Variants in ATAD1 observed in about 807,000 individuals in gnomAD.
The protein encoded by ATAD1 is ATPase family AAA domain containing 1.
In ATAD1, 18 loss-of-function variants were observed where a neutral mutation model predicts 42.7. That is an observed-to-expected ratio of 0.42 (90% CI 0.29 to 0.63). ATAD1 has a LOEUF of 0.63. ATAD1 is among the 20% of genes least tolerant of loss of function. ATAD1 has a pLI of 0.19. For missense variants in ATAD1, 294 were observed against 440.4 expected (o/e 0.67, Z 2.98); for synonymous variants, 132 against 143.1 (o/e 0.92, Z 0.55).
chr10:87,819,992 A>G (rs1054742965), upstream of ATAD1, among the ~76,000 whole-genome samples: 1 of 152,226 alleles, frequency 6.6e-6, no homozygotes, highest in Non-Finnish European at 1.5e-5. Flanking sequence ...ATTTAAAAAA[A>G]AAATGGATGT....
chr10:87,841,017 G>A (rs190077080), intron 1 of ATAD1, among the ~76,000 whole-genome samples: 31 of 152,174 alleles, frequency 2.0e-4, no homozygotes, highest in African/African-American at 6.7e-4. Context: ...CTGCTAGCAT[G>A]AGAAGTACAA....
chr10:87,803,952 A>G (rs1277057549), intron 2 of ATAD1, among the ~76,000 whole-genome samples: 1 of 152,036 alleles, frequency 6.6e-6, no homozygotes, highest in Non-Finnish European at 1.5e-5. Context: ...ACTGACTCCT[A>G]TCTCAATTTT....
chr10:87,818,085 C>G (rs1857512776), intron 1 of ATAD1, 82 bp downstream of exon 1: 1 of 985,620 alleles, frequency 1.0e-6, no homozygotes. Flanking sequence ...TCCGGGGGTT[C>G]CCAGGTCCGA....
At position 87,814,554 on chromosome 10, in the gene ATAD1, C is replaced by A; in HGVS notation, c.46G>T (p.Val16Phe). Residue 16 changes from valine (V) to phenylalanine (F), a missense_variant, in exon 2 of 10, where the codon GTT becomes TTT. By Grantham distance (50) the Val-to-Phe change is conservative. Around this residue, in one of 3 missense-constraint regions of ATAD1, gnomAD observed 121 missense variants for 187.3 expected, o/e 0.65. Transcript: ENST00000680024. ...GTCAAACGGAAAATTAAACCAACAA[C>A]TTCATTCCGACTCAAAGGACGAGAA... Reference protein sequence around the residue: ...AFSRPLSRNEVVGLIFRLTIF... With the variant: ...AFSRPLSRNEFVGLIFRLTIF... 6.2e-7 allele frequency: 1 copy of A among 1,611,924 alleles called. No individual in the cohort carries two copies. Among genetic ancestry groups the A allele is most frequent in the Non-Finnish European group, 8.5e-7 (1 of 1,179,046 alleles).
chr10:87,818,137 C>T (rs1857516742), intron 1 of ATAD1, 30 bp downstream of exon 1: 2 of 985,630 alleles, frequency 2.0e-6, no homozygotes, highest in Non-Finnish European at 1.2e-6. Flanking sequence ...ACAACCATCC[C>T]ATGAGGCCCC....
At chr10:87,757,888 T>C (rs533351215) in intron 8 of ATAD1, among the ~76,000 whole-genome samples, 1 of 152,330 alleles carries the variant, frequency 6.6e-6, no homozygotes, top group African/African-American at 2.4e-5. Context: ...CACTGCCAGC[T>C]CTGCAACTGT....
In ATAD1 at chr10:87,751,800, G is replaced by A. The variant is rs1359031774; in HGVS notation, c.*2887C>T. 6.6e-6 allele frequency: 1 copy of A among 152,122 alleles called. No homozygotes were observed. Among genetic ancestry groups the A allele is most frequent in the Non-Finnish European group, 1.5e-5 (1 of 68,020 alleles). The allele number at this position is 152,122 out of a possible 1,614,324, so 9.4% of individuals were successfully genotyped here. The stretch of plus-strand genomic sequence containing the variant: ...TGCACTATATATATTCAGCATATCA[G>A]AATTCTGTTCAATATTCTGATTTTA... On this transcript the variant is annotated 3_prime_UTR_variant, in exon 10 of 10. Coordinates refer to ENST00000680024, the MANE Select transcript of ATAD1 (RefSeq NM_001321967.2).
intron 2 of ATAD1, among the ~76,000 whole-genome samples, chr10:87,794,282 A>G (rs959930949): frequency 1.3e-5 from 2 of 152,216 alleles, no homozygotes; most frequent in Non-Finnish European, 2.9e-5. Flanking sequence ...TCTCCTGTTT[A>G]TCTTGCCCCT....
At chr10:87,770,899 C>A in intron 7 of ATAD1, 53 bp downstream of exon 7, 1 of 1,486,696 alleles carries the variant, frequency 6.7e-7, no homozygotes, top group Non-Finnish European at 9.3e-7. Flanking sequence ...AAGGTGAAGA[C>A]CTATAAAAAG....
At chr10:87,817,268 CAAT>C (rs1857460113) in intron 1 of ATAD1, among the ~76,000 whole-genome samples, 2 of 152,166 alleles carry the variant, frequency 1.3e-5, no homozygotes, top group South Asian at 4.1e-4. Flanking sequence ...AGCGAACATA[CAAT>C]AAAAGCTGCA....
intron 2 of ATAD1, 121 bp downstream of exon 2, chr10:87,814,317 A>G: frequency 1.2e-6 from 1 of 852,508 alleles, no homozygotes; most frequent in Non-Finnish European, 1.7e-6. Context: ...GAGTACCAAT[A>G]CATTTTCATG....
chr10:87,839,984 A>C (rs949791966), intron 1 of ATAD1, among the ~76,000 whole-genome samples: 21 of 152,208 alleles, frequency 1.4e-4, no homozygotes, highest in Admixed American at 2.0e-4. Context: ...GACATGAATT[A>C]ACTCTGTTTG....
At chr10:87,757,284 AAAAC>A (rs1300004015) in intron 8 of ATAD1, among the ~76,000 whole-genome samples, 2 of 151,462 alleles carry the variant, frequency 1.3e-5, no homozygotes, top group Non-Finnish European at 2.9e-5. Context: ...CAAAAAAAAA[AAAAC>A]AAAACACTCA....
intron 6 of ATAD1, among the ~76,000 whole-genome samples, chr10:87,775,079 AAATAT>A (rs1169937621): frequency 6.6e-6 from 1 of 152,206 alleles, no homozygotes; most frequent in Non-Finnish European, 1.5e-5. Context: ...AAATAATTCT[AAATAT>A]AATACTTTTT....
chr10:87,795,651 C>T (rs1252100159), intron 2 of ATAD1, among the ~76,000 whole-genome samples: 1 of 151,944 alleles, frequency 6.6e-6, no homozygotes, highest in Admixed American at 6.5e-5. Flanking sequence ...CCCTTTCATG[C>T]TATTTCACTT....
chr10:87,790,165 G>C (rs911382492), intron 4 of ATAD1, 145 bp downstream of exon 4: 1 of 844,256 alleles, frequency 1.2e-6, no homozygotes, highest in Non-Finnish European at 1.7e-6. Flanking sequence ...GCTGAAGAAT[G>C]AGCAATTATT....
chr10:87,778,014 T>C (rs1487504743), intron 5 of ATAD1, among the ~76,000 whole-genome samples: 1 of 152,028 alleles, frequency 6.6e-6, no homozygotes, highest in Admixed American at 6.6e-5. Context: ...ATTTTAAAAT[T>C]CAACTGCCTA....
chr10:87,830,001 T>A (rs1370424331), intron 1 of ATAD1, among the ~76,000 whole-genome samples: 1 of 152,142 alleles, frequency 6.6e-6, no homozygotes, highest in African/African-American at 2.4e-5. Flanking sequence ...AGAGAAATAT[T>A]TTATGAAAGG....
At chr10:87,760,290 TC>T (rs1406691740) in intron 8 of ATAD1, among the ~76,000 whole-genome samples, 1 of 152,016 alleles carries the variant, frequency 6.6e-6, no homozygotes, top group South Asian at 2.1e-4. Context: ...GGGACAGACT[TC>T]CCCCTTGTTC....
Sources: allele counts gnomAD v4.1 joint callset (sites outside exome capture counted in the v4.1 genomes callset), GRCh38; gene constraint gnomAD v4.1.1; regional missense constraint gnomAD v4.1.1; transcripts MANE v1.5; gene names NCBI Gene and HGNC (gene_info 2026-07-23, HGNC 2026-07-21).